The following PPARA variants were observed in gnomAD, a reference collection of about 807,000 sequenced individuals.
PPARA encodes peroxisome proliferator activated receptor alpha, also known as peroxisome proliferator-activated receptor alpha.
Under a neutral mutation model 42.2 loss-of-function variants are expected in PPARA, and 22 were observed. That is an observed-to-expected ratio of 0.52 (90% CI 0.37 to 0.74). The LOEUF is 0.74. Among genes scored for constraint, PPARA ranks in the 30% least tolerant of loss-of-function variants. The pLI is 0.00. For missense variants in PPARA, 465 were observed against 608.2 expected (o/e 0.76, Z 2.48); for synonymous variants, 242 against 239.3 (o/e 1.01, Z -0.10).
intron 4 of PPARA, among the ~76,000 whole-genome samples, chr22:46,209,142 T>C (rs1476208677): frequency 6.6e-6 from 1 of 152,240 alleles, no homozygotes; most frequent in South Asian, 2.1e-4. Flanking sequence ...TCCATACTTA[T>C]TTTGCATAAT....
At position 46,235,508 on chromosome 22, in the gene PPARA, C is replaced by G. The variant is rs1207748648; in HGVS notation, c.*128C>G. On this transcript the variant is annotated 3_prime_UTR_variant, in exon 9 of 9. Transcript: ENST00000407236. This position sits in a 1 kb window ranked among gnomAD's most constrained non-coding sequence, Gnocchi z 7.0. Reference sequence around the variant, plus strand: ...AACCTTAGAGCTTGGACAGTCTGAGCTGTAGGTAACCGGCATATTATTCCA... The same window carrying G: ...AACCTTAGAGCTTGGACAGTCTGAGGTGTAGGTAACCGGCATATTATTCCA... The G allele has an allele frequency of 8.1e-7, 1 of 1,235,496 alleles. No homozygotes were observed. The highest frequency in any genetic ancestry group is 1.1e-6 in the Non-Finnish European group (1 of 872,902). The allele number at this position is 1,235,496 out of a possible 1,614,324, so 76.5% of individuals were successfully genotyped here. A position where few individuals can be genotyped will look rare whatever the true frequency, so the allele number is the denominator to read the frequency against.
chr22:46,205,519 CATATATATATAT>C (rs552533545), intron 4 of PPARA, among the ~76,000 whole-genome samples: 366 of 34,426 alleles, frequency 0.011, 22 homozygotes, highest in Middle Eastern at 0.056. Flanking sequence ...CATGCCCAGC[CATATATATATAT>C]ATATATATAT....
At position 46,200,865 on chromosome 22, in the gene PPARA, A is replaced by C. The variant is rs147401755; in HGVS notation, c.208+2274A>C. On this transcript the variant is annotated intron_variant, in intron 4 of 8. Coordinates refer to ENST00000407236, the MANE Select transcript of PPARA (RefSeq NM_005036.6). This position sits in a 1 kb window ranked among gnomAD's most constrained non-coding sequence, Gnocchi z 4.8. The stretch of plus-strand genomic sequence containing the variant: ...CTTGAACCCAGGAGGCAGAGGTTGC[A>C]GTGAGCAGAGATCATGCCACTGTAC... Among the ~76,000 whole-genome samples, 6 of 152,198 alleles carry C rather than the reference A, an allele frequency of 3.9e-5. No homozygotes were observed. The East Asian group carries it at 1.2e-3, about 29-fold the overall frequency.
intron 4 of PPARA, among the ~76,000 whole-genome samples, chr22:46,199,826 A>C (rs1449422898): frequency 6.6e-6 from 1 of 152,128 alleles, no homozygotes; most frequent in East Asian, 1.9e-4. Flanking sequence ...GAGCTCAAGC[A>C]GTTCTCCTGC....
rs1932115002 is a variant in PPARA at position 46,195,411 on chromosome 22, T to C, written c.-42-2931T>C. ...CTGTACAGAGTCCCAGCCTGACTTATGCTAGTAGGTTACAGAGAAAGAAAG... is the reference window on the plus strand; with the variant it reads ...CTGTACAGAGTCCCAGCCTGACTTACGCTAGTAGGTTACAGAGAAAGAAAG... On this transcript the variant is annotated intron_variant, in intron 3 of 8. Transcript: ENST00000407236. This position sits in a 1 kb window ranked among gnomAD's most constrained non-coding sequence, Gnocchi z 4.6. Among the ~76,000 whole-genome samples, 4 of 152,220 alleles carry C rather than the reference T, an allele frequency of 2.6e-5. No homozygotes were observed. Among genetic ancestry groups the C allele is most frequent in the Admixed American group, 2.6e-4 (4 of 15,278 alleles).
In PPARA at chr22:46,188,103, A is replaced by G. The variant is rs1157906193; in HGVS notation, c.-42-10239A>G. Among the ~76,000 whole-genome samples, 1 of 152,206 alleles carries G rather than the reference A, an allele frequency of 6.6e-6. No homozygotes were observed. The highest frequency in any genetic ancestry group is 2.4e-5 in the African/African-American group (1 of 41,454). ...CATCCAGCCATAGCTGAGCCACAAA[A>G]TGACCACAGCTATGTGAATTATCCC... On this transcript the variant is annotated intron_variant, in intron 3 of 8. Transcript: ENST00000407236. This position sits in a 1 kb window ranked among gnomAD's most constrained non-coding sequence, Gnocchi z 5.0.
intron 2 of PPARA, chr22:46,176,111 C>T (rs945818591): frequency 6.6e-6 from 1 of 152,206 alleles, no homozygotes; most frequent in Non-Finnish European, 1.5e-5. Context: ...TGTACTCCAG[C>T]CTGGGCAACA....
In PPARA at chr22:46,225,429, G is replaced by A. The variant is rs1381209460; in HGVS notation, c.711+5415G>A. Among the ~76,000 whole-genome samples the A allele has an allele frequency of 6.6e-6, 1 of 152,128 alleles. No homozygotes were observed. Among genetic ancestry groups the A allele is most frequent in the Non-Finnish European group, 1.5e-5 (1 of 68,020 alleles). ...GAGAATGTCGTCAGAAGACTTTGGAGGAAGCAACAGAAAATGAGACTGAGG... is the reference window on the plus strand; with the variant it reads ...GAGAATGTCGTCAGAAGACTTTGGAAGAAGCAACAGAAAATGAGACTGAGG... On this transcript the variant is annotated intron_variant, in intron 7 of 8. Transcript: ENST00000407236. The surrounding 1 kb of genome is among the most constrained non-coding windows in gnomAD (Gnocchi z 4.1).
At chr22:46,169,121 T>C (rs73460628) in intron 2 of PPARA, among the ~76,000 whole-genome samples, 5,204 of 152,008 alleles carry the variant, frequency 0.034, 317 homozygotes, top group African/African-American at 0.12. Flanking sequence ...TACATGTTAT[T>C]AGGCATTTGT....
Position 46,225,842 on chromosome 22 carries a change from C to G in PPARA, c.711+5828C>G, listed in dbSNP as rs770881525. On this transcript the variant is annotated intron_variant, in intron 7 of 8. Coordinates refer to ENST00000407236, the MANE Select transcript of PPARA (RefSeq NM_005036.6). The surrounding 1 kb of genome is among the most constrained non-coding windows in gnomAD (Gnocchi z 4.1). The stretch of plus-strand genomic sequence containing the variant: ...GCACACAGACGCACCTCCACCCCCA[C>G]ACACGCACACACACACATGCACCCA... Among the ~76,000 whole-genome samples, 1 of 151,548 alleles carries G rather than the reference C, an allele frequency of 6.6e-6. No individual in the cohort carries two copies. Among genetic ancestry groups the G allele is most frequent in the Non-Finnish European group, 1.5e-5 (1 of 67,894 alleles).
chr22:46,223,042 C>T (rs576444705), intron 7 of PPARA, among the ~76,000 whole-genome samples: 17 of 152,250 alleles, frequency 1.1e-4, no homozygotes, highest in African/African-American at 4.1e-4. Flanking sequence ...TGCCTATAGT[C>T]CCCGCGACTT....
In PPARA at chr22:46,221,988, A is replaced by C. The variant is rs553902593; in HGVS notation, c.711+1974A>C. 2.0e-5 allele frequency among the ~76,000 whole-genome samples: 3 copies of C among 152,116 alleles called. No individual in the cohort carries two copies. The East Asian group carries it at 5.8e-4, about 29-fold the overall frequency. On this transcript the variant is annotated intron_variant, in intron 7 of 8. Coordinates refer to ENST00000407236, the MANE Select transcript of PPARA (RefSeq NM_005036.6). This position sits in a 1 kb window ranked among gnomAD's most constrained non-coding sequence, Gnocchi z 5.9. ...GCTACTTGGGAGGCTGAGGCAGGAGAATTGCTTGAACCTGGGAGCTGGAGG... is the reference window on the plus strand; with the variant it reads ...GCTACTTGGGAGGCTGAGGCAGGAGCATTGCTTGAACCTGGGAGCTGGAGG...
In PPARA at chr22:46,165,630, A is replaced by G. The variant is rs1926931442; in HGVS notation, c.-126-11123A>G. 6.6e-6 allele frequency among the ~76,000 whole-genome samples: 1 copy of G among 152,212 alleles called. No individual in the cohort carries two copies. The highest frequency in any genetic ancestry group is 1.5e-5 in the Non-Finnish European group (1 of 68,034). On this transcript the variant is annotated intron_variant, in intron 2 of 8. Transcript: ENST00000407236. The surrounding 1 kb of genome is among the most constrained non-coding windows in gnomAD (Gnocchi z 5.5). ...TTGGGACCCAAAAAAGCTCCATCCC[A>G]GGAGTACAGGTGACCTGGAAACGGA...
chr22:46,172,669 C>T (rs951445814), intron 2 of PPARA, among the ~76,000 whole-genome samples: 1 of 152,178 alleles, frequency 6.6e-6, no homozygotes, highest in Non-Finnish European at 1.5e-5. Flanking sequence ...ACCAGACTGT[C>T]CAAACAGCCA....
chr22:46,162,070 A>G lies in PPARA; in HGVS notation c.-127+10100A>G, dbSNP rs7364165. Among the ~76,000 whole-genome samples, 2,018 of 151,964 alleles carry G rather than the reference A, an allele frequency of 0.013. 54 individuals carry two copies. The highest frequency in any genetic ancestry group is 0.045 in the African/African-American group (1,883 of 41,440). On this transcript the variant is annotated intron_variant, in intron 2 of 8. Coordinates refer to ENST00000407236, the MANE Select transcript of PPARA (RefSeq NM_005036.6). This position sits in a 1 kb window ranked among gnomAD's most constrained non-coding sequence, Gnocchi z 6.0. The stretch of plus-strand genomic sequence containing the variant: ...GCCTCCTGCTAGGGCTGGGTGGGGG[A>G]CATCAAAGGCAGGACAAGGTGTAGG...
chr22:46,151,701 C>T (rs1200859703), intron 1 of PPARA, among the ~76,000 whole-genome samples, 187 bp from the exon 2 acceptor site: 1 of 152,230 alleles, frequency 6.6e-6, no homozygotes, highest in Non-Finnish European at 1.5e-5. Context: ...CTCCCAGCCT[C>T]CTTGGGATAA....
In PPARA at chr22:46,243,436, TG is replaced by T. The variant is rs898230534; in HGVS notation, c.*8062del. The T allele has an allele frequency of 2.8e-4, 43 of 151,936 alleles. No homozygotes were observed. Among genetic ancestry groups the T allele is most frequent in the Non-Finnish European group, 4.6e-4 (31 of 68,006 alleles). The allele number at this position is 151,936 out of a possible 1,614,324, so 9.4% of individuals were successfully genotyped here. On this transcript the variant is annotated 3_prime_UTR_variant, in exon 9 of 9. Transcript: ENST00000407236. This position sits in a 1 kb window ranked among gnomAD's most constrained non-coding sequence, Gnocchi z 5.0. ...CTCCAACTTCATACCTCTCTCCTGG[TG>T]GGGGGAGCGGGCATCCAGGACCTCC... is the stretch of plus-strand genomic sequence containing the variant.
rs1220704662 is a variant in PPARA at position 46,240,007 on chromosome 22, A to C, written c.*4627A>C. 2.5e-6 allele frequency: 1 copy of C among 396,808 alleles called. No individual in the cohort carries two copies. Among genetic ancestry groups the C allele is most frequent in the African/African-American group, 2.1e-5 (1 of 48,588 alleles). The allele number at this position is 396,808 out of a possible 1,614,324, so 24.6% of individuals were successfully genotyped here. On this transcript the variant is annotated 3_prime_UTR_variant, in exon 9 of 9. Coordinates refer to ENST00000407236, the MANE Select transcript of PPARA (RefSeq NM_005036.6). The surrounding 1 kb of genome is among the most constrained non-coding windows in gnomAD (Gnocchi z 6.0). ...AGTTTTAAAATAGATTCATTGCTTC[A>C]ACACAGCAAGCCCAATGCACCCAGC...
rs1426640491 is a variant in PPARA at position 46,238,675 on chromosome 22, T to C, written c.*3295T>C. On this transcript the variant is annotated 3_prime_UTR_variant, in exon 9 of 9. Transcript: ENST00000407236. This position sits in a 1 kb window ranked among gnomAD's most constrained non-coding sequence, Gnocchi z 8.3. ...ACTCCTCCCAGACGTGCCTCTTGTG[T>C]GCCAGCTGGCTGTGGCTCGGGAGCA... The C allele has an allele frequency of 2.6e-5, 4 of 152,308 alleles. No homozygotes were observed. The highest frequency in any genetic ancestry group is 1.5e-5 in the Non-Finnish European group (1 of 68,092). 9.4% of individuals were successfully genotyped at this position (152,308 alleles called of 1,614,324 possible).
Sources: allele counts gnomAD v4.1 joint callset (sites outside exome capture counted in the v4.1 genomes callset), GRCh38; gene constraint gnomAD v4.1.1; non-coding constraint Gnocchi (gnomAD v3.1); transcripts MANE v1.5; gene names NCBI Gene and HGNC (gene_info 2026-07-23, HGNC 2026-07-21).